The following ANKS1B variants were observed in gnomAD, a reference collection of about 807,000 sequenced individuals.
ANKS1B encodes ankyrin repeat and sterile alpha motif domain-containing protein 1B.
A neutral mutation model predicts 148.3 loss-of-function variants in ANKS1B; 36 were observed. That is an observed-to-expected ratio of 0.24 (90% CI 0.19 to 0.32). The LOEUF is 0.32. Among genes scored for constraint, ANKS1B ranks in the 10% least tolerant of loss-of-function variants. ANKS1B has a pLI of 1.00. For missense variants in ANKS1B, 1,157 were observed against 1,542.6 expected (o/e 0.75, Z 4.19); for synonymous variants, 542 against 560.8 (o/e 0.97, Z 0.47).
intron 10 of ANKS1B, among the ~76,000 whole-genome samples, chr12:99,484,727 A>G (rs1245963391): frequency 8.2e-6 from 1 of 121,910 alleles, no homozygotes; most frequent in Non-Finnish European, 1.7e-5. Context: ...TGACCCTTTT[A>G]TCATTATATA....
At chr12:98,907,903 G>C (rs1411574557) in intron 17 of ANKS1B, among the ~76,000 whole-genome samples, 2 of 152,290 alleles carry the variant, frequency 1.3e-5, no homozygotes, top group African/African-American at 4.8e-5. Context: ...TGTAAGATGT[G>C]CCTTTGCTTC....
At chr12:99,796,466 A>G (rs1280766235) in intron 4 of ANKS1B, among the ~76,000 whole-genome samples, 1 of 151,968 alleles carries the variant, frequency 6.6e-6, no homozygotes, top group Non-Finnish European at 1.5e-5. Flanking sequence ...TCCACCATAA[A>G]TAAACAAATC....
At chr12:99,962,751 T>A (rs1465426345) in intron 1 of ANKS1B, among the ~76,000 whole-genome samples, 2 of 152,106 alleles carry the variant, frequency 1.3e-5, no homozygotes, top group Non-Finnish European at 2.9e-5. Context: ...CTGACTGGCA[T>A]GAGATGGTAT....
At chr12:99,803,651 G>A (rs923408336) in intron 4 of ANKS1B, among the ~76,000 whole-genome samples, 1 of 152,164 alleles carries the variant, frequency 6.6e-6, no homozygotes, top group Non-Finnish European at 1.5e-5. Flanking sequence ...GATATAAAAT[G>A]GTAGAATGAG....
chr12:99,851,474 ACTC>A (rs1358574077), intron 1 of ANKS1B, among the ~76,000 whole-genome samples: 9 of 152,002 alleles, frequency 5.9e-5, no homozygotes, highest in Non-Finnish European at 1.3e-4. Context: ...TCATGGATCT[ACTC>A]CTACTAATGA....
intron 1 of ANKS1B, among the ~76,000 whole-genome samples, chr12:99,864,182 CAA>C (rs1197640365): frequency 6.6e-6 from 1 of 151,606 alleles, no homozygotes; most frequent in Non-Finnish European, 1.5e-5. Flanking sequence ...TAAATGGTCA[CAA>C]ACACCTAACT....
intron 3 of ANKS1B, among the ~76,000 whole-genome samples, chr12:99,810,712 T>C (rs2068248545): frequency 6.6e-6 from 1 of 151,984 alleles, no homozygotes; most frequent in Non-Finnish European, 1.5e-5. Context: ...TTAAAACATA[T>C]AGCAACTTTT....
intron 15 of ANKS1B, among the ~76,000 whole-genome samples, chr12:99,115,717 G>C (rs1417499978): frequency 6.6e-6 from 1 of 152,084 alleles, no homozygotes; most frequent in African/African-American, 2.4e-5. Context: ...GATCACTTGA[G>C]GTGAGGAGTT....
intron 8 of ANKS1B, among the ~76,000 whole-genome samples, chr12:99,715,981 C>T (rs2057266891): frequency 6.6e-6 from 1 of 152,180 alleles, no homozygotes; most frequent in African/African-American, 2.4e-5. Flanking sequence ...GGACGCCTCT[C>T]CATTTACCCA....
At chr12:98,817,726 C>A (rs1420223415) in intron 19 of ANKS1B, among the ~76,000 whole-genome samples, 1 of 152,224 alleles carries the variant, frequency 6.6e-6, no homozygotes, top group Non-Finnish European at 1.5e-5. Flanking sequence ...CACCCACTGA[C>A]CCTTTTTATA....
At chr12:99,669,426 T>C (rs2098525927) in intron 8 of ANKS1B, among the ~76,000 whole-genome samples, 1 of 152,174 alleles carries the variant, frequency 6.6e-6, no homozygotes, top group African/African-American at 2.4e-5. Flanking sequence ...CATTCAAGGC[T>C]TGCTTTTACT....
At position 99,414,710 on chromosome 12, in the gene ANKS1B, A is replaced by G. The variant is rs1406694527; in HGVS notation, c.1576-14899T>C. ...GGTGAGGGGTTAGGGGAAGGATAGC[A>G]TTAGGAGAAATACCTAACGTAAATG... is the stretch of plus-strand genomic sequence containing the variant. On this transcript the variant is annotated intron_variant, in intron 11 of 26. Coordinates refer to ENST00000683438, the MANE Select transcript of ANKS1B (RefSeq NM_001352186.2). Among the ~76,000 whole-genome samples, 3 of 152,330 alleles carry G rather than the reference A, an allele frequency of 2.0e-5. No homozygotes were observed. The East Asian group carries it at 5.8e-4, about 29-fold the overall frequency.
At chr12:99,777,317 C>G (rs1171813347) in intron 6 of ANKS1B, among the ~76,000 whole-genome samples, 2 of 152,190 alleles carry the variant, frequency 1.3e-5, no homozygotes, top group African/African-American at 2.4e-5. Flanking sequence ...TGTTCACATT[C>G]TGAAATTTGC....
chr12:99,894,162 T>C (rs186536315), intron 1 of ANKS1B, among the ~76,000 whole-genome samples: 1 of 151,512 alleles, frequency 6.6e-6, no homozygotes, highest in East Asian at 1.9e-4. Context: ...CTCACACCTA[T>C]AATCTCACCA....
chr12:98,795,921 A>C (rs1430021339), intron 22 of ANKS1B, among the ~76,000 whole-genome samples: 1 of 152,226 alleles, frequency 6.6e-6, no homozygotes. Context: ...TGAGTGAACT[A>C]ATGCACATAA....
chr12:99,486,006 T>G (rs2096483935), intron 10 of ANKS1B, among the ~76,000 whole-genome samples: 1 of 152,172 alleles, frequency 6.6e-6, no homozygotes, highest in African/African-American at 2.4e-5. Flanking sequence ...TAATCAACCT[T>G]CTGAATTACT....
chr12:99,651,098 T>C (rs1187619502), intron 9 of ANKS1B, among the ~76,000 whole-genome samples: 1 of 152,192 alleles, frequency 6.6e-6, no homozygotes, highest in Non-Finnish European at 1.5e-5. Flanking sequence ...TTTTACATAG[T>C]ACTGTACTAA....
intron 17 of ANKS1B, among the ~76,000 whole-genome samples, chr12:98,833,583 A>AT (rs11382825): frequency 0.98 from 148,226 of 151,842 alleles, 72,357 homozygotes; most frequent in East Asian, 1. Context: ...GATACCTTGA[A>AT]TTTTTTTTAA....
chr12:99,858,388 G>T lies in ANKS1B; in HGVS notation c.135-32999C>A, dbSNP rs551972843. On this transcript the variant is annotated intron_variant, in intron 1 of 26. Transcript: ENST00000683438. Reference sequence around the variant, plus strand: ...TCAAAAAAATAATAGATGGTGGTGTGGATGTGGTAAAAATGGAACACTTTT... The same window carrying T: ...TCAAAAAAATAATAGATGGTGGTGTTGATGTGGTAAAAATGGAACACTTTT... 1.5e-3 allele frequency among the ~76,000 whole-genome samples: 234 copies of T among 152,226 alleles called. 6 individuals are homozygous for T. In the South Asian group the frequency reaches 0.047, roughly 31 times the overall value.
Sources: gnomAD v4.1 joint callset for allele counts (sites outside exome capture counted in the v4.1 genomes callset) on GRCh38, gnomAD v4.1.1 for gene constraint, MANE v1.5 for transcripts, NCBI Gene and HGNC (gene_info 2026-07-23, HGNC 2026-07-21) for gene names.